Variants in PSMA7 observed in about 807,000 individuals in gnomAD.
PSMA7 encodes the protein proteasome 20S subunit alpha 7, also known as proteasome subunit alpha type-7.
PSMA7 carries 5 observed loss-of-function variants against 31.3 expected under a neutral mutation model. The ratio of observed to expected loss-of-function variants is 0.16; its 90% CI spans 0.08 to 0.34. PSMA7 has a LOEUF of 0.34. Ranked by LOEUF, PSMA7 falls within the 10% of genes least tolerant of loss-of-function variation. The probability of loss-of-function intolerance (pLI) is 1.00; values close to 1 mark genes in which losing one functional copy is unlikely to be tolerated. For missense variants in PSMA7, 217 were observed against 327.5 expected (o/e 0.66, Z 2.60); for synonymous variants, 155 against 121.9 (o/e 1.27, Z -1.79).
intron 2 of PSMA7, 94 bp downstream of exon 2, chr20:62,140,724 G>T: frequency 1.4e-6 from 2 of 1,444,410 alleles, no homozygotes; most frequent in Non-Finnish European, 9.5e-7. Context: ...AGTTTATATG[G>T]CTCACAATAG....
In PSMA7 at chr20:62,143,317, G is replaced by A. The variant is rs754430867; in HGVS notation, c.-14C>T. 16 of 1,387,878 alleles carry A rather than the reference G, an allele frequency of 1.2e-5. No homozygotes were observed. The highest frequency in any genetic ancestry group is 1.5e-5 in the Non-Finnish European group (16 of 1,055,074). The allele number at this position is 1,387,878 out of a possible 1,614,324, so 86.0% of individuals were successfully genotyped here. On this transcript the variant is annotated 5_prime_UTR_variant, in exon 1 of 7. Transcript: ENST00000370873. ...GTCGTAGCTCATGCCGGCGGGCGGC[G>A]GCCGGGCTCCTTCCGCCGCGACTCT...
intron 6 of PSMA7, among the ~76,000 whole-genome samples, 157 bp downstream of exon 6, chr20:62,137,207 A>G (rs1175179494): frequency 6.6e-6 from 1 of 152,234 alleles, no homozygotes. Context: ...GAAGATGGGA[A>G]TCTTCTCTTT....
chr20:62,143,253 G>A lies in PSMA7; in HGVS notation c.51C>T (p.Phe17=). The change falls in exon 1 of 7, where the codon TTC becomes TTT. Residue 17 remains phenylalanine, a synonymous_variant. Coordinates refer to ENST00000370873, the MANE Select transcript of PSMA7 (RefSeq NM_002792.4). ...CGGCCTCCTGCGCGTACTCCACTTG[G>A]AAGAGGTGGCCGTCGGGCGAGAAGA... The part of the protein sequence containing the change: ...ITVFSPDGHL[F]QVEYAQEAVK... The A allele has an allele frequency of 1.3e-6, 2 of 1,482,112 alleles. No homozygotes were observed. Among genetic ancestry groups the A allele is most frequent in the Non-Finnish European group, 1.8e-6 (2 of 1,110,458 alleles). The allele number at this position is 1,482,112 out of a possible 1,614,324, so 91.8% of individuals were successfully genotyped here. A position where few individuals can be genotyped will look rare whatever the true frequency, so the allele number is the denominator to read the frequency against.
At position 62,140,781 on chromosome 20, in the gene PSMA7, T is replaced by C. The variant is rs755476961; in HGVS notation, c.223+37A>G. ...CCAAAGCCCTATTCTTCGCTGAGAC[T>C]CTAGAGAGTAAGACAGCGCTCCCCA... On this transcript the variant is annotated intron_variant, in intron 2 of 6. Coordinates refer to ENST00000370873, the MANE Select transcript of PSMA7 (RefSeq NM_002792.4). The C allele has an allele frequency of 2.5e-6, 4 of 1,610,926 alleles. No individual in the cohort carries two copies. The East Asian group carries it at 8.9e-5, about 36-fold the overall frequency.
chr20:62,138,505 T>C (rs1189280415), intron 4 of PSMA7, among the ~76,000 whole-genome samples: 2 of 151,886 alleles, frequency 1.3e-5, no homozygotes, highest in Non-Finnish European at 2.9e-5. Flanking sequence ...GAGAATGGGG[T>C]TATACGATTG....
intron 1 of PSMA7, 50 bp downstream of exon 1, chr20:62,143,158 G>A (rs1197483235): frequency 1.6e-6 from 2 of 1,266,592 alleles, no homozygotes; most frequent in Non-Finnish European, 2.0e-6. Flanking sequence ...GGGCTCCCCA[G>A]CCCCACTTCC....
intron 2 of PSMA7, 131 bp downstream of exon 2, chr20:62,140,687 A>G (rs1386254889): frequency 4.1e-6 from 5 of 1,214,610 alleles, no homozygotes; most frequent in East Asian, 2.6e-5. Context: ...TCCAAATCCA[A>G]TTCTTTTAAA....
intron 4 of PSMA7, among the ~76,000 whole-genome samples, chr20:62,138,599 G>A (rs563986258): frequency 6.8e-6 from 1 of 146,352 alleles, no homozygotes; most frequent in African/African-American, 2.6e-5. Context: ...TTGTTGCCCA[G>A]CCTGGAGTGC....
chr20:62,140,706 A>C (rs2056922588), intron 2 of PSMA7, 112 bp downstream of exon 2: 1 of 1,310,802 alleles, frequency 7.6e-7, no homozygotes, highest in African/African-American at 1.5e-5. Context: ...AATGATTTTC[A>C]TTTACTCAGT....
intron 2 of PSMA7, among the ~76,000 whole-genome samples, 171 bp downstream of exon 2, chr20:62,140,647 G>C (rs1174670539): frequency 4.6e-5 from 7 of 152,218 alleles, no homozygotes; most frequent in Non-Finnish European, 1.0e-4. Context: ...GGCAGAGAGA[G>C]GCCACCAAAG....
intron 4 of PSMA7, 52 bp downstream of exon 4, chr20:62,139,023 T>C: frequency 6.3e-7 from 1 of 1,597,326 alleles, no homozygotes. Context: ...CTCCCACCCC[T>C]CAAAGCCTTT....
intron 2 of PSMA7, 122 bp from the exon 3 acceptor site, chr20:62,140,027 A>T: frequency 7.6e-7 from 1 of 1,318,914 alleles, no homozygotes; most frequent in Non-Finnish European, 1.0e-6. Context: ...AGGCTATTCT[A>T]ACTGACTGGC....
chr20:62,140,880 T>C lies in PSMA7; in HGVS notation c.161A>G (p.Gln54Arg), dbSNP rs2056923637. The C allele has an allele frequency of 6.2e-7, 1 of 1,614,142 alleles. No homozygotes were observed. Among genetic ancestry groups the C allele is most frequent in the African/African-American group, 1.3e-5 (1 of 74,958 alleles). ...GATCTTCCGCACTGTTCTTTCATCCTGCAGTTTGGCCACTGACTTCTTCTC... is the reference window on the plus strand; with the variant it reads ...GATCTTCCGCACTGTTCTTTCATCCCGCAGTTTGGCCACTGACTTCTTCTC... ...GVEKKSVAKL[Q>R]DERTVRKICA... The change falls in exon 2 of 7, where the codon CAG becomes CGG. Residue 54 changes from glutamine to arginine, a missense_variant. Around this residue, in one of 3 missense-constraint regions of PSMA7, gnomAD observed 76 missense variants for 96.5 expected, o/e 0.79. Transcript: ENST00000370873.
intron 1 of PSMA7, 77 bp downstream of exon 1, chr20:62,143,131 C>G (rs1207761701): frequency 5.2e-6 from 5 of 958,726 alleles, no homozygotes; most frequent in Non-Finnish European, 6.3e-6. Flanking sequence ...GCGCCGCGCC[C>G]GGCCCCGGCC....
At position 62,143,292 on chromosome 20, in the gene PSMA7, G is replaced by A; in HGVS notation, c.12C>T (p.Asp4=). The A allele has an allele frequency of 1.4e-6, 2 of 1,451,382 alleles. No individual in the cohort carries two copies. Among genetic ancestry groups the A allele is most frequent in the Non-Finnish European group, 9.2e-7 (1 of 1,090,650 alleles). 89.9% of individuals were successfully genotyped at this position (1,451,382 alleles called of 1,614,324 possible). The stretch of plus-strand genomic sequence containing the variant: ...CGGGCGAGAAGACGGTGATGGCGCG[G>A]TCGTAGCTCATGCCGGCGGGCGGCG... The part of the protein sequence containing the change: MSY[D]RAITVFSPDG... The change falls in exon 1 of 7, where the codon GAC becomes GAT. Residue 4 remains aspartate (D), a synonymous_variant. Transcript: ENST00000370873.
At chr20:62,142,125 G>A (rs945842164) in intron 1 of PSMA7, among the ~76,000 whole-genome samples, 1 of 152,214 alleles carries the variant, frequency 6.6e-6, no homozygotes, top group South Asian at 2.1e-4. Flanking sequence ...AACCATCCCT[G>A]GCTGAGAAGT....
At chr20:62,137,221 G>A (rs764892150) in intron 6 of PSMA7, 143 bp downstream of exon 6, 104 of 954,886 alleles carry the variant, frequency 1.1e-4, no homozygotes, top group Middle Eastern at 2.2e-4. Flanking sequence ...TCTCTTTGAC[G>A]TATGGGGAGC....
At chr20:62,138,451 T>A (rs2145663223) in intron 4 of PSMA7, among the ~76,000 whole-genome samples, 161 bp from the exon 5 acceptor site, 1 of 152,334 alleles carries the variant, frequency 6.6e-6, no homozygotes, top group Non-Finnish European at 1.5e-5. Context: ...GCCTCGTGGC[T>A]TCCTTTTGCA....
chr20:62,138,550 A>ATTT (rs59188263), intron 4 of PSMA7, among the ~76,000 whole-genome samples: 3 of 126,366 alleles, frequency 2.4e-5, no homozygotes, highest in Non-Finnish European at 1.7e-5. Context: ...GCAATGGGAG[A>ATTT]TTTTTTTTTT....
Sources: gnomAD v4.1 joint callset for allele counts (sites outside exome capture counted in the v4.1 genomes callset) on GRCh38, gnomAD v4.1.1 for gene constraint, gnomAD v4.1.1 regional missense constraint, MANE v1.5 for transcripts, NCBI Gene and HGNC (gene_info 2026-07-23, HGNC 2026-07-21) for gene names.